Variants in CCDC126 observed in about 807,000 individuals in gnomAD.
CCDC126 encodes the protein coiled-coil domain containing 126.
CCDC126 carries 5 observed loss-of-function variants against 11.7 expected under a neutral mutation model. The observed-to-expected ratio is 0.43, with a 90% confidence interval of 0.22 to 0.90. CCDC126 has a LOEUF of 0.90. CCDC126 is among the 40% of genes least tolerant of loss of function. The pLI, the probability that CCDC126 is intolerant of heterozygous loss-of-function variation, is 0.27. For synonymous variants in CCDC126, 60 were observed against 61.9 expected (o/e 0.97, Z 0.14); for missense variants, 150 against 163.1 (o/e 0.92, Z 0.44).
intron 3 of CCDC126, among the ~76,000 whole-genome samples, chr7:23,616,648 G>A (rs1782800047): frequency 6.6e-6 from 1 of 152,122 alleles, no homozygotes. Flanking sequence ...AGGTTCCAGT[G>A]TTCTTTTTGA....
At chr7:23,619,321 T>C in intron 3 of CCDC126, 1 of 295,936 alleles carries the variant, frequency 3.4e-6, no homozygotes. Context: ...GAAACAGGAG[T>C]GTGGCGTGAC....
intron 3 of CCDC126, among the ~76,000 whole-genome samples, chr7:23,626,519 T>A (rs1242441384): frequency 3.7e-4 from 57 of 152,260 alleles, no homozygotes; most frequent in Middle Eastern, 3.4e-3. Flanking sequence ...AAATATTTAT[T>A]TTAGGTTTGG....
rs1431811326 is a variant in CCDC126 at position 23,636,204 on chromosome 7, C to T, written c.239-6727C>T. Among the ~76,000 whole-genome samples the T allele has an allele frequency of 2.6e-4, 40 of 152,360 alleles. No individual in the cohort carries two copies. In the South Asian group the frequency reaches 7.9e-3, roughly 30 times the overall value. ...AGGCTGGAGTGCAGTGGCGTGATCT[C>T]GGCTCGCTACAACCACCTCCCAGCC... On this transcript the variant is annotated intron_variant, in intron 3 of 3. Transcript: ENST00000307471.
At chr7:23,631,796 TC>T (rs969103872) in intron 3 of CCDC126, among the ~76,000 whole-genome samples, 6 of 149,348 alleles carry the variant, frequency 4.0e-5, no homozygotes, top group Non-Finnish European at 8.9e-5. Context: ...AATTTAAAAG[TC>T]CCCCCCCACC....
intron 2 of CCDC126, among the ~76,000 whole-genome samples, chr7:23,607,159 GT>G (rs938621224): frequency 1.1e-4 from 16 of 152,156 alleles, no homozygotes; most frequent in African/African-American, 2.4e-4. Context: ...CAAGTTTTGT[GT>G]TTTTTTTAAG....
chr7:23,603,665 T>C (rs1281538072), intron 2 of CCDC126, among the ~76,000 whole-genome samples: 1 of 152,206 alleles, frequency 6.6e-6, no homozygotes, highest in Non-Finnish European at 1.5e-5. Flanking sequence ...TCTTCCAGTC[T>C]AGAAAAGGAT....
intron 2 of CCDC126, among the ~76,000 whole-genome samples, chr7:23,609,082 G>C (rs1782664351): frequency 6.6e-6 from 1 of 152,130 alleles, no homozygotes; most frequent in Non-Finnish European, 1.5e-5. Context: ...AATATCTCAA[G>C]CATTGATCTT....
chr7:23,625,627 T>C (rs1378428470), intron 3 of CCDC126, among the ~76,000 whole-genome samples: 1 of 151,832 alleles, frequency 6.6e-6, no homozygotes, highest in East Asian at 1.9e-4. Context: ...GCTGGGAAAT[T>C]TGTTTATTTC....
At chr7:23,623,678 C>T (rs1454196387) in intron 3 of CCDC126, among the ~76,000 whole-genome samples, 2 of 151,568 alleles carry the variant, frequency 1.3e-5, no homozygotes, top group African/African-American at 4.9e-5. Flanking sequence ...TTATTGAGTT[C>T]TGTTGTACAG....
intron 3 of CCDC126, among the ~76,000 whole-genome samples, chr7:23,619,915 C>A (rs1018607277): frequency 3.9e-5 from 6 of 151,934 alleles, no homozygotes; most frequent in African/African-American, 1.5e-4. Flanking sequence ...ATGAACTCAT[C>A]CTTTTTTATG....
chr7:23,642,248 G>A (rs1273199775), intron 3 of CCDC126, among the ~76,000 whole-genome samples: 1 of 151,914 alleles, frequency 6.6e-6, no homozygotes, highest in East Asian at 1.9e-4. Context: ...TCCTGACCTC[G>A]TGATCCCGCC....
chr7:23,608,719 G>A (rs1218844504), intron 2 of CCDC126, among the ~76,000 whole-genome samples: 2 of 152,132 alleles, frequency 1.3e-5, no homozygotes, highest in Admixed American at 6.6e-5. Flanking sequence ...GGTTCTAATG[G>A]GTTCTCCTTG....
intron 3 of CCDC126, among the ~76,000 whole-genome samples, chr7:23,625,695 G>C (rs1386469654): frequency 2.8e-5 from 3 of 106,456 alleles, no homozygotes; most frequent in African/African-American, 1.1e-4. Context: ...TTGCTCTGTT[G>C]CCCAGGCTGG....
intron 2 of CCDC126, among the ~76,000 whole-genome samples, chr7:23,599,075 C>T (rs916475137): frequency 6.6e-6 from 1 of 152,154 alleles, no homozygotes; most frequent in Non-Finnish European, 1.5e-5. Context: ...AGAAGGAATA[C>T]ATTTAAGAGA....
At position 23,618,197 on chromosome 7, in the gene CCDC126, T is replaced by C. The variant is rs144133611; in HGVS notation, c.238+6644T>C. On this transcript the variant is annotated intron_variant, in intron 3 of 3. Coordinates refer to ENST00000307471, the MANE Select transcript of CCDC126 (RefSeq NM_138771.4). Reference sequence around the variant, plus strand: ...AGGGAATCTCACCTGAACTTCAATGTACAGTTGTATTGGGGTCTCATTATG... The same window carrying C: ...AGGGAATCTCACCTGAACTTCAATGCACAGTTGTATTGGGGTCTCATTATG... 2.0e-4 allele frequency among the ~76,000 whole-genome samples: 30 copies of C among 152,358 alleles called. No individual in the cohort carries two copies. In the East Asian group the frequency reaches 5.2e-3, roughly 26 times the overall value.
chr7:23,636,170 A>G (rs60812116), intron 3 of CCDC126, among the ~76,000 whole-genome samples: 58,579 of 146,974 alleles, frequency 0.4, 6,944 homozygotes, highest in South Asian at 0.52. Flanking sequence ...TCAGTGCTCA[A>G]TGGTGCCCAG....
At chr7:23,610,581 T>C (rs1267590495) in intron 2 of CCDC126, among the ~76,000 whole-genome samples, 1 of 152,210 alleles carries the variant, frequency 6.6e-6, no homozygotes, top group Non-Finnish European at 1.5e-5. Flanking sequence ...TTGTATGATA[T>C]AAACTTAGAA....
At chr7:23,636,742 C>T (rs964092484) in intron 3 of CCDC126, among the ~76,000 whole-genome samples, 1 of 147,914 alleles carries the variant, frequency 6.8e-6, no homozygotes, top group South Asian at 2.1e-4. Context: ...CGTCTCCGCC[C>T]GGCAGCCACC....
intron 3 of CCDC126, among the ~76,000 whole-genome samples, chr7:23,612,716 T>C (rs892033941): frequency 2.6e-5 from 4 of 152,026 alleles, no homozygotes; most frequent in African/African-American, 9.7e-5. Flanking sequence ...CATAATACAA[T>C]ACCATTATCA....
Sources: gnomAD v4.1 joint callset for allele counts (sites outside exome capture counted in the v4.1 genomes callset) on GRCh38, gnomAD v4.1.1 for gene constraint, MANE v1.5 for transcripts, NCBI Gene and HGNC (gene_info 2026-07-23, HGNC 2026-07-21) for gene names.